The following FBXL20 variants were observed in gnomAD, a reference collection of about 807,000 sequenced individuals.
FBXL20 encodes F-box and leucine rich repeat protein 20.
Under a neutral mutation model 64.0 loss-of-function variants are expected in FBXL20, and 11 were observed. That is an observed-to-expected ratio of 0.17 (90% CI 0.11 to 0.28). The LOEUF (loss-of-function observed/expected upper bound fraction) is 0.28. FBXL20 is among the 10% of genes least tolerant of loss of function. The pLI is 1.00. For synonymous variants in FBXL20, 184 were observed against 189.0 expected, an observed-to-expected ratio of 0.97 and a Z score of 0.22; for missense variants, 303 against 526.2, an observed-to-expected ratio of 0.58 and a Z score of 4.15.
chr17:39,367,418 G>T (rs2047871965), intron 1 of FBXL20, among the ~76,000 whole-genome samples: 1 of 150,094 alleles, frequency 6.7e-6, no homozygotes, highest in Non-Finnish European at 1.5e-5. Context: ...CCAGATTCAA[G>T]TGATTCTCCT....
At chr17:39,379,692 AT>A (rs973299026) in intron 1 of FBXL20, among the ~76,000 whole-genome samples, 3 of 152,154 alleles carry the variant, frequency 2.0e-5, no homozygotes, top group African/African-American at 7.2e-5. Flanking sequence ...AGGTGGAAGG[AT>A]CCCTTGAGCC....
chr17:39,346,622 A>G (rs1185457859), intron 1 of FBXL20, among the ~76,000 whole-genome samples: 1 of 152,090 alleles, frequency 6.6e-6, no homozygotes, highest in Non-Finnish European at 1.5e-5. Context: ...ATACTTAGTA[A>G]CAAAAAGTTG....
chr17:39,401,260 A>C (rs569564754), intron 1 of FBXL20, 101 bp downstream of exon 1: 1 of 1,592,456 alleles, frequency 6.3e-7, no homozygotes, highest in South Asian at 1.1e-5. Flanking sequence ...TGGGTGGGTG[A>C]CGGCGCCTGC....
intron 10 of FBXL20, among the ~76,000 whole-genome samples, chr17:39,272,384 CAAAAA>C (rs61446377): frequency 8.9e-4 from 117 of 130,934 alleles, no homozygotes; most frequent in Non-Finnish European, 8.7e-4. Context: ...GACTTTGTCT[CAAAAA>C]AAAAAAAAAA....
At chr17:39,339,165 CAAAA>C (rs59901064) in intron 2 of FBXL20, among the ~76,000 whole-genome samples, 4 of 68,024 alleles carry the variant, frequency 5.9e-5, no homozygotes, top group Non-Finnish European at 8.5e-5. Flanking sequence ...GACCCTGTCT[CAAAA>C]AAAAAAAAAA....
intron 2 of FBXL20, among the ~76,000 whole-genome samples, chr17:39,315,870 A>AGAGAGG (rs1267884348): frequency 1.4e-5 from 2 of 139,318 alleles, no homozygotes; most frequent in Non-Finnish European, 3.1e-5. Context: ...AGAGAGAGAG[A>AGAGAGG]GCAACTGTAG....
intron 2 of FBXL20, among the ~76,000 whole-genome samples, chr17:39,310,882 G>A (rs1448740154): frequency 6.6e-6 from 1 of 152,124 alleles, no homozygotes; most frequent in Non-Finnish European, 1.5e-5. Context: ...CTACTTGGGA[G>A]GCTGAGGCAG....
chr17:39,293,273 G>A (rs1048341707), intron 6 of FBXL20, among the ~76,000 whole-genome samples: 19 of 151,816 alleles, frequency 1.3e-4, no homozygotes, highest in Admixed American at 1.1e-3. Context: ...CCAGGCTGGA[G>A]TGCAGTGGCA....
chr17:39,297,800 A>G (rs994699367), intron 5 of FBXL20, among the ~76,000 whole-genome samples: 5 of 152,140 alleles, frequency 3.3e-5, no homozygotes, highest in African/African-American at 7.2e-5. Flanking sequence ...TAGTGGTGTG[A>G]TCTCAGCTCA....
At chr17:39,263,367 T>C (rs960179184) in intron 14 of FBXL20, among the ~76,000 whole-genome samples, 1 of 151,868 alleles carries the variant, frequency 6.6e-6, no homozygotes, top group Non-Finnish European at 1.5e-5. Context: ...ATACAAAAAA[T>C]CAGGCTGGCG....
At chr17:39,349,039 G>A (rs2047661499) in intron 1 of FBXL20, among the ~76,000 whole-genome samples, 1 of 151,742 alleles carries the variant, frequency 6.6e-6, no homozygotes, top group Non-Finnish European at 1.5e-5. Context: ...ATCACTTGAG[G>A]TCATGAGTTT....
At chr17:39,301,675 C>T (rs1368048296) in intron 3 of FBXL20, among the ~76,000 whole-genome samples, 1 of 151,612 alleles carries the variant, frequency 6.6e-6, no homozygotes, top group East Asian at 1.9e-4. Flanking sequence ...TTGCAGTGAG[C>T]CAAGATTGTG....
chr17:39,340,507 G>A (rs139811616), intron 2 of FBXL20, among the ~76,000 whole-genome samples: 63 of 152,292 alleles, frequency 4.1e-4, no homozygotes, highest in African/African-American at 1.4e-3. Flanking sequence ...TAGGATTATA[G>A]GTGTGAGCCA....
chr17:39,285,843 A>C (rs541440214), intron 6 of FBXL20, among the ~76,000 whole-genome samples: 4 of 152,222 alleles, frequency 2.6e-5, no homozygotes, highest in Non-Finnish European at 5.9e-5. Context: ...ACAGCAATTG[A>C]CAACATGATA....
chr17:39,258,162 T>A lies in FBXL20; in HGVS notation c.*3298A>T, dbSNP rs984003643. 6.6e-6 allele frequency: 1 copy of A among 152,168 alleles called. No individual in the cohort carries two copies. The highest frequency in any genetic ancestry group is 1.5e-5 in the Non-Finnish European group (1 of 68,028). The allele number at this position is 152,168 out of a possible 1,614,324, so 9.4% of individuals were successfully genotyped here. On this transcript the variant is annotated 3_prime_UTR_variant, in exon 15 of 15. Transcript: ENST00000264658. ...GGCATATTTTGGAGTGGCTATGAGG[T>A]TAGACAAACAGATCAATTAGCTTTT...
intron 1 of FBXL20, among the ~76,000 whole-genome samples, chr17:39,397,137 C>T (rs2048191893): frequency 1.3e-5 from 2 of 152,098 alleles, no homozygotes; most frequent in South Asian, 4.1e-4. Flanking sequence ...AACTCCCGAG[C>T]TCAGATGATC....
chr17:39,364,413 G>C (rs2047837501), intron 1 of FBXL20, among the ~76,000 whole-genome samples: 2 of 152,110 alleles, frequency 1.3e-5, no homozygotes, highest in South Asian at 4.2e-4. Flanking sequence ...AGGATTTTGA[G>C]ACCTGGGCAA....
At chr17:39,352,576 G>A (rs1230853667) in intron 1 of FBXL20, among the ~76,000 whole-genome samples, 1 of 151,338 alleles carries the variant, frequency 6.6e-6, no homozygotes, top group African/African-American at 2.4e-5. Context: ...AACTACTTGG[G>A]AGGCTGAGGC....
At chr17:39,312,918 C>CT (rs56972736) in intron 2 of FBXL20, among the ~76,000 whole-genome samples, 4,945 of 110,580 alleles carry the variant, frequency 0.045, 590 homozygotes, top group African/African-American at 0.17. Flanking sequence ...AAGATAGTTA[C>CT]TTTTTTTTTT....
Sources: gnomAD v4.1 joint callset for allele counts (sites outside exome capture counted in the v4.1 genomes callset) on GRCh38, gnomAD v4.1.1 for gene constraint, MANE v1.5 for transcripts, NCBI Gene and HGNC (gene_info 2026-07-23, HGNC 2026-07-21) for gene names.